CALCR: variants seen among roughly 807,000 people sequenced by gnomAD.
CALCR encodes calcitonin receptor.
In CALCR, 47 loss-of-function variants were observed where a neutral mutation model predicts 59.5. The ratio of observed to expected loss-of-function variants is 0.79; its 90% CI spans 0.63 to 1.01. CALCR has a LOEUF of 1.01. CALCR is among the 50% of genes least tolerant of loss of function. The probability of loss-of-function intolerance (pLI) is 0.00; values close to 1 mark genes in which losing one functional copy is unlikely to be tolerated. For missense variants in CALCR, 566 were observed against 597.1 expected (o/e 0.95, Z 0.54); for synonymous variants, 213 against 211.3 (o/e 1.01, Z -0.07).
chr7:93,565,016 T>G (rs1789832356), intron 2 of CALCR, among the ~76,000 whole-genome samples: 1 of 152,190 alleles, frequency 6.6e-6, no homozygotes. Context: ...AGACAAGTTC[T>G]GCCTCTTATA....
chr7:93,457,467 T>C (rs963185938), intron 8 of CALCR, among the ~76,000 whole-genome samples: 1 of 152,124 alleles, frequency 6.6e-6, no homozygotes, highest in African/African-American at 2.4e-5. Flanking sequence ...CTTTTACATT[T>C]ACAGATGGGA....
chr7:93,518,253 T>C (rs919069642), intron 2 of CALCR, among the ~76,000 whole-genome samples: 1 of 150,798 alleles, frequency 6.6e-6, no homozygotes. Context: ...CATAAAAAAA[T>C]CAAGAACTGG....
intron 7 of CALCR, among the ~76,000 whole-genome samples, chr7:93,462,767 T>C (rs910844413): frequency 2.6e-5 from 4 of 152,020 alleles, no homozygotes; most frequent in African/African-American, 9.7e-5. Flanking sequence ...ATTAACTTCA[T>C]TCTCTTGTGT....
intron 10 of CALCR, 29 bp from the exon 11 acceptor site, chr7:93,438,155 C>T: frequency 6.2e-7 from 1 of 1,611,762 alleles, no homozygotes; most frequent in Non-Finnish European, 8.5e-7. Context: ...ACAATTAATA[C>T]ACAAATACAT....
intron 6 of CALCR, among the ~76,000 whole-genome samples, chr7:93,469,942 G>A (rs945407213): frequency 6.6e-6 from 1 of 151,684 alleles, no homozygotes; most frequent in African/African-American, 2.4e-5. Flanking sequence ...TGGGATTGAA[G>A]CCCTAGTCAG....
intron 2 of CALCR, among the ~76,000 whole-genome samples, chr7:93,532,592 A>G (rs528282208): frequency 6.6e-6 from 1 of 152,122 alleles, no homozygotes; most frequent in South Asian, 2.1e-4. Context: ...AATGGCTGAT[A>G]TACATGAAAC....
chr7:93,505,128 A>G (rs1801399136), intron 2 of CALCR, among the ~76,000 whole-genome samples: 1 of 152,114 alleles, frequency 6.6e-6, no homozygotes, highest in Non-Finnish European at 1.5e-5. Flanking sequence ...CATATTTTCA[A>G]TGATGTCTAG....
intron 2 of CALCR, among the ~76,000 whole-genome samples, chr7:93,535,636 A>G (rs745415877): frequency 6.6e-6 from 1 of 151,804 alleles, no homozygotes; most frequent in Non-Finnish European, 1.5e-5. Flanking sequence ...TCCTTGGTCC[A>G]CTAGTTTTCA....
rs761852935 is a variant in CALCR at position 93,434,242 on chromosome 7, TG to T, written c.1191+10del. 1 of 1,597,822 alleles carries T rather than the reference TG, an allele frequency of 6.3e-7. No homozygotes were observed. The highest frequency in any genetic ancestry group is 8.6e-7 in the Non-Finnish European group (1 of 1,165,352). ...AAACAAGTGATAGTATTATATGAAATGCATGCTTACCTCATTGTTGCAGAAG... is the reference window on the plus strand; with the variant it reads ...AAACAAGTGATAGTATTATATGAAATCATGCTTACCTCATTGTTGCAGAAG... On this transcript the variant is annotated intron_variant, in intron 13 of 13. Coordinates refer to ENST00000426151, the MANE Select transcript of CALCR (RefSeq NM_001742.4).
chr7:93,477,087 T>C (rs766398954), intron 5 of CALCR, among the ~76,000 whole-genome samples: 1 of 151,892 alleles, frequency 6.6e-6, no homozygotes, highest in Non-Finnish European at 1.5e-5. Flanking sequence ...TCTTCTTTAA[T>C]TGGGATTCTA....
At chr7:93,531,369 T>G (rs956863674) in intron 2 of CALCR, among the ~76,000 whole-genome samples, 1 of 152,110 alleles carries the variant, frequency 6.6e-6, no homozygotes, top group Non-Finnish European at 1.5e-5. Flanking sequence ...AGCAGGGATT[T>G]GAGATACTAA....
intron 2 of CALCR, among the ~76,000 whole-genome samples, chr7:93,510,981 C>T (rs1191462731): frequency 1.3e-5 from 2 of 151,782 alleles, no homozygotes; most frequent in Non-Finnish European, 2.9e-5. Flanking sequence ...GGGAATGGAG[C>T]CTGGGGGATT....
chr7:93,540,647 A>C (rs1247248904), intron 2 of CALCR, among the ~76,000 whole-genome samples: 1 of 150,726 alleles, frequency 6.6e-6, no homozygotes, highest in Non-Finnish European at 1.5e-5. Flanking sequence ...TAATTTTAAA[A>C]TATGCTCAAA....
At chr7:93,474,754 GA>G (rs1437151385) in intron 5 of CALCR, among the ~76,000 whole-genome samples, 1 of 151,684 alleles carries the variant, frequency 6.6e-6, no homozygotes, top group Non-Finnish European at 1.5e-5. Context: ...AGTGTATTTG[GA>G]ATCTTCACAA....
intron 2 of CALCR, among the ~76,000 whole-genome samples, chr7:93,522,935 C>G (rs989678774): frequency 6.6e-6 from 1 of 152,112 alleles, no homozygotes; most frequent in Non-Finnish European, 1.5e-5. Context: ...TAGCTTATTA[C>G]TTCCTGCTTT....
At chr7:93,465,522 G>C (rs989222724) in intron 7 of CALCR, among the ~76,000 whole-genome samples, 2 of 151,802 alleles carry the variant, frequency 1.3e-5, no homozygotes, top group Admixed American at 1.3e-4. Flanking sequence ...TCTTTAACTG[G>C]TGTACCAGAA....
At chr7:93,557,754 T>C (rs572985935) in intron 2 of CALCR, among the ~76,000 whole-genome samples, 3 of 152,114 alleles carry the variant, frequency 2.0e-5, no homozygotes, top group East Asian at 3.9e-4. Flanking sequence ...AAGGTAGATA[T>C]CTGCTTTGAA....
intron 2 of CALCR, among the ~76,000 whole-genome samples, chr7:93,531,177 A>G (rs1278511552): frequency 1.3e-5 from 2 of 152,092 alleles, no homozygotes; most frequent in Non-Finnish European, 2.9e-5. Context: ...ATTCTTTTTG[A>G]AATGTCTGTA....
chr7:93,570,831 T>G (rs1225037646), intron 2 of CALCR, among the ~76,000 whole-genome samples: 1 of 152,178 alleles, frequency 6.6e-6, no homozygotes, highest in East Asian at 1.9e-4. Flanking sequence ...GAAACATTTT[T>G]TTTCTTAAAA....
Sources: allele counts gnomAD v4.1 joint callset (sites outside exome capture counted in the v4.1 genomes callset), GRCh38; gene constraint gnomAD v4.1.1; transcripts MANE v1.5; gene names NCBI Gene and HGNC (gene_info 2026-07-23, HGNC 2026-07-21).